Variants in PDE3A observed in about 807,000 individuals in gnomAD.
The protein encoded by PDE3A is phosphodiesterase 3A, also known as cGMP-inhibited 3',5'-cyclic phosphodiesterase 3A.
In PDE3A, 43 loss-of-function variants were observed where a neutral mutation model predicts 98.3. That is an observed-to-expected ratio of 0.44 (90% CI 0.34 to 0.56). The LOEUF (loss-of-function observed/expected upper bound fraction) is 0.56, where lower values mean the gene tolerates loss of function less well. Ranked by LOEUF, PDE3A falls within the 20% of genes least tolerant of loss-of-function variation. The probability of loss-of-function intolerance (pLI) is 0.01; values close to 1 mark genes in which losing one functional copy is unlikely to be tolerated. For synonymous variants in PDE3A, 663 were observed against 567.9 expected, an observed-to-expected ratio of 1.17 and a Z score of -2.38; for missense variants, 1,427 against 1,440.7, an observed-to-expected ratio of 0.99 and a Z score of 0.15.
At chr12:20,614,640 G>T (rs1482776932) in intron 3 of PDE3A, among the ~76,000 whole-genome samples, 1 of 152,074 alleles carries the variant, frequency 6.6e-6, no homozygotes, top group African/African-American at 2.4e-5. Flanking sequence ...GTTCCTTCAG[G>T]TCTCAAATTA....
chr12:20,485,959 AT>A (rs1258466823), intron 1 of PDE3A, among the ~76,000 whole-genome samples: 1 of 152,120 alleles, frequency 6.6e-6, no homozygotes, highest in African/African-American at 2.4e-5. Context: ...CTTCACTACT[AT>A]TTGGATGCCA....
intron 1 of PDE3A, among the ~76,000 whole-genome samples, chr12:20,546,382 A>AG (rs1942059096): frequency 2.0e-5 from 3 of 151,780 alleles, no homozygotes. Context: ...ACCAAAAAAA[A>AG]AAAAGAACAA....
intron 1 of PDE3A, among the ~76,000 whole-genome samples, chr12:20,506,023 G>A (rs1946110730): frequency 6.6e-6 from 1 of 151,684 alleles, no homozygotes; most frequent in Non-Finnish European, 1.5e-5. Flanking sequence ...TATTTATTTG[G>A]AAAATATTTA....
intron 1 of PDE3A, chr12:20,551,790 C>T: frequency 6.2e-7 from 1 of 1,614,004 alleles, no homozygotes; most frequent in Non-Finnish European, 8.5e-7. Flanking sequence ...CGAAGATGGC[C>T]TCGGCCACAT....
chr12:20,509,069 T>C (rs1216344275), intron 1 of PDE3A, among the ~76,000 whole-genome samples: 2 of 152,056 alleles, frequency 1.3e-5, no homozygotes, highest in Non-Finnish European at 2.9e-5. Context: ...CTTCTTATGC[T>C]GGATTTGTGA....
At chr12:20,542,281 A>T (rs1306476752) in intron 1 of PDE3A, among the ~76,000 whole-genome samples, 1 of 152,074 alleles carries the variant, frequency 6.6e-6, no homozygotes, top group African/African-American at 2.4e-5. Flanking sequence ...CATTTATAAG[A>T]CTTAAAAATG....
chr12:20,452,342 T>A (rs1945080095), intron 1 of PDE3A, among the ~76,000 whole-genome samples: 1 of 152,202 alleles, frequency 6.6e-6, no homozygotes, highest in Non-Finnish European at 1.5e-5. Flanking sequence ...TTTGTCTTAA[T>A]GTGTATTTTT....
At chr12:20,632,752 T>C (rs1215343991) in intron 6 of PDE3A, among the ~76,000 whole-genome samples, 4 of 152,032 alleles carry the variant, frequency 2.6e-5, no homozygotes, top group African/African-American at 9.7e-5. Flanking sequence ...GTCATCAAAA[T>C]GCACCCCTCT....
intron 1 of PDE3A, among the ~76,000 whole-genome samples, chr12:20,478,770 T>A (rs1441279440): frequency 1.3e-5 from 2 of 152,162 alleles, no homozygotes; most frequent in Non-Finnish European, 2.9e-5. Flanking sequence ...AATGTCAATA[T>A]TTTATGGGCT....
chr12:20,524,964 G>A (rs1377136636), intron 1 of PDE3A, among the ~76,000 whole-genome samples: 7 of 152,154 alleles, frequency 4.6e-5, no homozygotes, highest in South Asian at 4.2e-4. Flanking sequence ...GAGAAACCCC[G>A]TCTCTGCTAA....
Position 20,648,879 on chromosome 12 carries a change from A to G in PDE3A, c.2757A>G (p.Lys919=). ...AGAAACACTTTGACTTCGTAGCCAA[A>G]TTTAATGGCAAGGTAAATAGAGCTG... The part of the protein sequence containing the change: ...DLKKHFDFVA[K]FNGKVNDDVG... Residue 919 remains lysine (K), a synonymous_variant, in exon 13 of 16, where the codon AAA becomes AAG. Coordinates refer to ENST00000359062, the MANE Select transcript of PDE3A (RefSeq NM_000921.5). 6.2e-7 allele frequency: 1 copy of G among 1,605,734 alleles called. No homozygotes were observed. The highest frequency in any genetic ancestry group is 1.7e-5 in the Admixed American group (1 of 59,906).
At chr12:20,589,725 C>A (rs942924467) in intron 2 of PDE3A, among the ~76,000 whole-genome samples, 2 of 151,842 alleles carry the variant, frequency 1.3e-5, no homozygotes, top group African/African-American at 4.8e-5. Context: ...AAAAATTAGC[C>A]AGGCATGCTG....
At position 20,613,672 on chromosome 12, in the gene PDE3A, C is replaced by G. The variant is rs1943926782; in HGVS notation, c.1241C>G (p.Ser414Cys). The G allele has an allele frequency of 6.2e-7, 1 of 1,613,760 alleles. No homozygotes were observed. The highest frequency in any genetic ancestry group is 8.5e-7 in the Non-Finnish European group (1 of 1,179,786). Residue 414 changes from serine to cysteine, a missense_variant, in exon 3 of 16, where the codon TCT (serine) becomes TGT (cysteine). This residue lies in a region of PDE3A where 1,012 missense variants were observed against 886.5 expected (regional missense o/e 1.14). Coordinates refer to ENST00000359062, the MANE Select transcript of PDE3A (RefSeq NM_000921.5). ...ACCTGTTCTGACTCTGAAGAGAGCT[C>G]TGAAAAAGACAAGCTTGCTATTCCA... ...NYTCSDSEES[S>C]EKDKLAIPKR... is the part of the protein sequence containing the mutation.
intron 2 of PDE3A, among the ~76,000 whole-genome samples, chr12:20,591,305 A>C (rs988910409): frequency 1.1e-4 from 16 of 152,258 alleles, no homozygotes; most frequent in Admixed American, 3.3e-4. Context: ...GCCAATGTAC[A>C]TACTTAACTC....
intron 1 of PDE3A, among the ~76,000 whole-genome samples, chr12:20,422,117 T>G (rs11513377): frequency 0.037 from 5,605 of 152,110 alleles, 324 homozygotes; most frequent in African/African-American, 0.13. Flanking sequence ...GAGGCCGAGG[T>G]GGGCGGATCA....
At chr12:20,439,134 A>G (rs1350411164) in intron 1 of PDE3A, among the ~76,000 whole-genome samples, 1 of 152,126 alleles carries the variant, frequency 6.6e-6, no homozygotes, top group Non-Finnish European at 1.5e-5. Flanking sequence ...ATGTTAAAAA[A>G]TGAAATCTTT....
rs1214383684 is a variant in PDE3A at position 20,684,220 on chromosome 12, C to T, written c.*3949C>T. ...ATTCTTGGTGCTTCCATGTCAGTATCGGGCTCTCCATTGTCCTCATCATTT... is the reference window on the plus strand; with the variant it reads ...ATTCTTGGTGCTTCCATGTCAGTATTGGGCTCTCCATTGTCCTCATCATTT... On this transcript the variant is annotated 3_prime_UTR_variant, in exon 16 of 16. Transcript: ENST00000359062. 2 of 151,990 alleles carry T rather than the reference C, an allele frequency of 1.3e-5. No homozygotes were observed. Among genetic ancestry groups the T allele is most frequent in the South Asian group, 2.1e-4 (1 of 4,818 alleles). The allele number at this position is 151,990 out of a possible 1,614,324, so 9.4% of individuals were successfully genotyped here. A position where few individuals can be genotyped will look rare whatever the true frequency, so the allele number is the denominator to read the frequency against.
At chr12:20,390,467 A>T (rs1943892802) in intron 1 of PDE3A, among the ~76,000 whole-genome samples, 1 of 151,160 alleles carries the variant, frequency 6.6e-6, no homozygotes, top group South Asian at 2.1e-4. Flanking sequence ...GAAAAAAAAA[A>T]AAAAAACTGC....
intron 2 of PDE3A, among the ~76,000 whole-genome samples, chr12:20,560,655 G>A (rs1197867211): frequency 6.6e-6 from 1 of 152,090 alleles, no homozygotes; most frequent in African/African-American, 2.4e-5. Flanking sequence ...TTACTTATTT[G>A]TTTATTTTTA....
Sources: allele counts gnomAD v4.1 joint callset (sites outside exome capture counted in the v4.1 genomes callset), GRCh38; gene constraint gnomAD v4.1.1; regional missense constraint gnomAD v4.1.1; transcripts MANE v1.5; gene names NCBI Gene and HGNC (gene_info 2026-07-23, HGNC 2026-07-21).